Variants in TRAP1 observed in about 807,000 individuals in gnomAD.
The protein encoded by TRAP1 is heat shock protein 75 kDa, mitochondrial.
A neutral mutation model predicts 89.1 loss-of-function variants in TRAP1; 102 were observed. The ratio of observed to expected loss-of-function variants is 1.15; its 90% CI spans 0.98 to 1.35. TRAP1 has a LOEUF of 1.35. Among genes scored for constraint, TRAP1 ranks in the 40% most tolerant of loss-of-function variants. The probability of loss-of-function intolerance (pLI) is 0.00; values close to 1 mark genes in which losing one functional copy is unlikely to be tolerated. For missense variants in TRAP1, 1,256 were observed against 945.3 expected (o/e 1.33, Z -4.31); for synonymous variants, 508 against 388.0 (o/e 1.31, Z -3.64).
At chr16:3,683,886 C>G (rs2051104930) in intron 4 of TRAP1, among the ~76,000 whole-genome samples, 1 of 151,912 alleles carries the variant, frequency 6.6e-6, no homozygotes, top group Non-Finnish European at 1.5e-5. Context: ...AATGGTGAGA[C>G]TAGGCGCGGT....
intron 1 of TRAP1, among the ~76,000 whole-genome samples, chr16:3,705,370 A>G (rs1356426432): frequency 6.6e-6 from 1 of 151,830 alleles, no homozygotes; most frequent in Non-Finnish European, 1.5e-5. Context: ...TGCCCGGACA[A>G]CTACAGAACA....
chr16:3,702,676 T>C (rs1402417929), intron 1 of TRAP1, among the ~76,000 whole-genome samples: 1 of 148,908 alleles, frequency 6.7e-6, no homozygotes, highest in East Asian at 2.0e-4. Context: ...GACCAGAGGG[T>C]AAAGGCTGCA....
chr16:3,675,388 G>T lies in TRAP1; in HGVS notation c.824C>A (p.Thr275Lys). The part of the protein sequence containing the change: ...SSEARVRDVV[T>K]KYSNFVSFPL... ...GAAGCTGACGAAGTTGCTGTACTTC[G>T]TTACCACATCTGGAAGGGACAAAAG... The change falls in exon 8 of 18, where the codon ACG becomes AAG. Residue 275 changes from threonine to lysine, a missense_variant. By Grantham distance (78) the Thr-to-Lys change is moderately conservative. Transcript: ENST00000246957. 6.2e-7 allele frequency: 1 copy of T among 1,613,990 alleles called. No individual in the cohort carries two copies. Among genetic ancestry groups the T allele is most frequent in the East Asian group, 2.2e-5 (1 of 44,880 alleles).
chr16:3,676,372 G>C (rs1264363455), intron 6 of TRAP1: 2 of 64,064 alleles, frequency 3.1e-5, no homozygotes, highest in African/African-American at 1.3e-4. Context: ...CTCGGGCGGG[G>C]GGCGGGGGGG....
At chr16:3,675,936 C>T (rs1306351993) in intron 7 of TRAP1, 100 bp downstream of exon 7, 1 of 1,064,500 alleles carries the variant, frequency 9.4e-7, no homozygotes, top group African/African-American at 1.6e-5. Flanking sequence ...TGCCTGTGCA[C>T]CCTACGTGCA....
chr16:3,662,239 G>A lies in TRAP1; in HGVS notation c.1795-107C>T, dbSNP rs1388510096. 9 of 1,400,568 alleles carry A rather than the reference G, an allele frequency of 6.4e-6. No homozygotes were observed. The African/African-American group carries it at 1.0e-4, about 16-fold the overall frequency. 86.8% of individuals were successfully genotyped at this position (1,400,568 alleles called of 1,614,324 possible). A position where few individuals can be genotyped will look rare whatever the true frequency, so the allele number is the denominator to read the frequency against. On this transcript the variant is annotated intron_variant, in intron 15 of 17. Transcript: ENST00000246957. ...ACCCAGACCACGAGGTAGCAGGCGG[G>A]GTCTCAAGGACTCCCCTGGACCAGC...
In TRAP1 at chr16:3,664,359, C is replaced by A; in HGVS notation, c.1484G>T (p.Arg495Leu). ...GGGGGCGCACAGGTAGTAGATGTTG[C>A]GGGTGCCGGCCCGCATGCGGCTGGC... ...EYASRMRAGT[R>L]NIYYLCAPNR... The change falls in exon 13 of 18, where the codon CGC becomes CTC. Residue 495 changes from arginine to leucine, a missense_variant. Physicochemically the swap from Arg to Leu is moderately radical, Grantham distance 102. Transcript: ENST00000246957. 6.2e-7 allele frequency: 1 copy of A among 1,612,352 alleles called. No individual in the cohort carries two copies. The highest frequency in any genetic ancestry group is 8.5e-7 in the Non-Finnish European group (1 of 1,179,348).
chr16:3,687,594 G>T (rs72778148), intron 3 of TRAP1, among the ~76,000 whole-genome samples: 2 of 152,070 alleles, frequency 1.3e-5, no homozygotes, highest in Non-Finnish European at 2.9e-5. Context: ...TTTAAAATCA[G>T]TGAGAGAGGC....
chr16:3,695,153 G>A (rs564839018), intron 1 of TRAP1, among the ~76,000 whole-genome samples: 1 of 152,244 alleles, frequency 6.6e-6, no homozygotes, highest in African/African-American at 2.4e-5. Context: ...CACCTGCAAA[G>A]ACCCTATTTC....
chr16:3,661,622 AC>A (rs1176227429), intron 16 of TRAP1: 3 of 215,192 alleles, frequency 1.4e-5, no homozygotes, highest in African/African-American at 6.8e-5. Flanking sequence ...TGCATGGGCA[AC>A]CCTCATGCCA....
chr16:3,703,043 GAAAAAAAAAA>G (rs36093237), intron 1 of TRAP1, among the ~76,000 whole-genome samples: 1,122 of 43,542 alleles, frequency 0.026, 17 homozygotes, highest in Admixed American at 0.043. Flanking sequence ...ACTCCGTCTT[GAAAAAAAAAA>G]AAAAAAAAAA....
intron 1 of TRAP1, among the ~76,000 whole-genome samples, chr16:3,698,205 T>C (rs1440087814): frequency 1.3e-5 from 2 of 152,136 alleles, no homozygotes; most frequent in Non-Finnish European, 2.9e-5. Context: ...GAAATCTATA[T>C]TTCCAGCCAG....
At chr16:3,691,250 T>C (rs1030981960) in intron 1 of TRAP1, 2 of 278,564 alleles carry the variant, frequency 7.2e-6, no homozygotes, top group Admixed American at 1.1e-4. Context: ...TGCTGCCTTC[T>C]TTTCAGAGGG....
intron 3 of TRAP1, chr16:3,687,501 A>G (rs370642842): frequency 1.3e-5 from 2 of 152,272 alleles, no homozygotes; most frequent in African/African-American, 4.8e-5. Flanking sequence ...CACCAGGTCT[A>G]CCACACCCGG....
intron 8 of TRAP1, 95 bp from the exon 9 acceptor site, chr16:3,674,589 G>A (rs1158077142): frequency 1.4e-6 from 2 of 1,469,162 alleles, no homozygotes; most frequent in African/African-American, 2.8e-5. Flanking sequence ...CCTGGCCCTG[G>A]ACAGGCTCCT....
At position 3,690,709 on chromosome 16, in the gene TRAP1, C is replaced by G. The variant is rs574864767; in HGVS notation, c.247+118G>C. 496 of 1,124,546 alleles carry G rather than the reference C, an allele frequency of 4.4e-4. 7 individuals carry two copies. In the African/African-American group the frequency reaches 7.2e-3, roughly 16 times the overall value. 69.7% of individuals were successfully genotyped at this position (1,124,546 alleles called of 1,614,324 possible). ...CAGCACTCCCTACAGCCAAGACCTT[C>G]TGATTTCACACCTAAGGCGGTGGCT... On this transcript the variant is annotated intron_variant, in intron 2 of 17. Coordinates refer to ENST00000246957, the MANE Select transcript of TRAP1 (RefSeq NM_016292.3).
intron 4 of TRAP1, among the ~76,000 whole-genome samples, chr16:3,681,200 G>A (rs999488177): frequency 1.3e-5 from 2 of 152,142 alleles, no homozygotes; most frequent in African/African-American, 4.8e-5. Context: ...TTGGGACAAA[G>A]GCCCTCAGAA....
At chr16:3,669,734 G>GA (rs1447201735) in intron 11 of TRAP1, among the ~76,000 whole-genome samples, 1 of 149,370 alleles carries the variant, frequency 6.7e-6, no homozygotes, top group African/African-American at 2.4e-5. Flanking sequence ...TCGGGAGGCT[G>GA]AGACAGGAGA....
At chr16:3,677,326 G>C (rs895304723) in intron 6 of TRAP1, among the ~76,000 whole-genome samples, 172 bp downstream of exon 6, 1 of 152,162 alleles carries the variant, frequency 6.6e-6, no homozygotes, top group Admixed American at 6.5e-5. Context: ...AGGTGCCATA[G>C]GCCACCTGGA....
Sources: allele counts gnomAD v4.1 joint callset (sites outside exome capture counted in the v4.1 genomes callset), GRCh38; gene constraint gnomAD v4.1.1; transcripts MANE v1.5; gene names NCBI Gene and HGNC (gene_info 2026-07-23, HGNC 2026-07-21).